SFT2D1: variants seen among roughly 807,000 people sequenced by gnomAD.
SFT2D1 encodes the protein vesicle transport protein SFT2A.
Under a neutral mutation model 28.1 loss-of-function variants are expected in SFT2D1, and 24 were observed. The ratio of observed to expected loss-of-function variants is 0.85; its 90% confidence interval spans 0.62 to 1.20. The LOEUF is 1.20. Ranked by LOEUF, SFT2D1 falls within the 50% of genes most tolerant of loss-of-function variation. The probability of loss-of-function intolerance (pLI) is 0.00; values close to 1 mark genes in which losing one functional copy is unlikely to be tolerated. For missense variants in SFT2D1, 181 were observed against 190.9 expected (o/e 0.95, Z 0.31); for synonymous variants, 82 against 73.7 (o/e 1.11, Z -0.58).
intron 3 of SFT2D1, 33 bp downstream of exon 3, chr6:166,329,474 A>G: frequency 6.3e-7 from 1 of 1,588,468 alleles, no homozygotes; most frequent in Non-Finnish European, 8.6e-7. Context: ...TGGTAGCAAG[A>G]GCAAACAAGA....
rs903213978 is a variant in SFT2D1 at position 166,324,443 on chromosome 6, C to G, written c.410+94G>C. 5 of 1,261,230 alleles carry G rather than the reference C, an allele frequency of 4.0e-6. No homozygotes were observed. The African/African-American group carries it at 4.5e-5, about 11-fold the overall frequency. The allele number at this position is 1,261,230 out of a possible 1,614,324, so 78.1% of individuals were successfully genotyped here. ...GCAGGGCCTGTCTGGCTCCAAAACA[C>G]CAGACGAAATGCTAGGGCTTCACAG... On this transcript the variant is annotated intron_variant, in intron 6 of 7. Coordinates refer to ENST00000361731, the MANE Select transcript of SFT2D1 (RefSeq NM_145169.3).
chr6:166,323,050 T>A lies in SFT2D1; in HGVS notation c.411-164A>T, dbSNP rs190990657. The A allele has an allele frequency of 5.5e-6, 3 of 544,968 alleles. No individual in the cohort carries two copies. The Admixed American group carries it at 1.0e-4, about 19-fold the overall frequency. 33.8% of individuals were successfully genotyped at this position (544,968 alleles called of 1,614,324 possible). A position where few individuals can be genotyped will look rare whatever the true frequency, so the allele number is the denominator to read the frequency against. ...AGTGAGAGCATCATCTGGGAACTTG[T>A]TAAAAATGTAAATTATTAGGTCCTA... On this transcript the variant is annotated intron_variant, in intron 6 of 7. Coordinates refer to ENST00000361731, the MANE Select transcript of SFT2D1 (RefSeq NM_145169.3).
intron 1 of SFT2D1, among the ~76,000 whole-genome samples, chr6:166,333,729 T>C (rs1332435246): frequency 1.3e-5 from 2 of 152,150 alleles, no homozygotes; most frequent in African/African-American, 2.4e-5. Flanking sequence ...GGCCTGCACA[T>C]TGCTGCCTGG....
intron 5 of SFT2D1, among the ~76,000 whole-genome samples, chr6:166,325,057 G>A (rs1778418450): frequency 6.6e-6 from 1 of 152,092 alleles, no homozygotes; most frequent in African/African-American, 2.4e-5. Flanking sequence ...AATATAAACA[G>A]TTTCCATGGT....
Position 166,329,501 on chromosome 6 carries a change from A to C in SFT2D1, c.233+6T>G. ...CAAACAAGATATTTTGAGAAGCCAA[A>C]CGTACCTGGCTAACGCAGCAAGATT... On this transcript the variant is annotated splice_donor_region_variant and intron_variant, in intron 3 of 7. Transcript: ENST00000361731. 1 of 1,603,118 alleles carries C rather than the reference A, an allele frequency of 6.2e-7. No homozygotes were observed. The highest frequency in any genetic ancestry group is 1.3e-5 in the African/African-American group (1 of 74,704).
At chr6:166,341,830 G>GAA (rs34430737) in intron 1 of SFT2D1, among the ~76,000 whole-genome samples, 187 of 147,630 alleles carry the variant, frequency 1.3e-3, no homozygotes, top group Admixed American at 1.9e-3. Flanking sequence ...CTTTTATTAA[G>GAA]AAAAAAAAAA....
intron 5 of SFT2D1, chr6:166,325,829 G>T (rs1583035187): frequency 2.2e-6 from 1 of 446,534 alleles, no homozygotes; most frequent in East Asian, 4.2e-5. Flanking sequence ...GTGTGCACAT[G>T]TGTGTTTACT....
chr6:166,328,688 G>C (rs1053969037), intron 3 of SFT2D1, among the ~76,000 whole-genome samples: 1 of 152,164 alleles, frequency 6.6e-6, no homozygotes, highest in Non-Finnish European at 1.5e-5. Context: ...TTCTGCCCTG[G>C]GAGGACACAG....
At chr6:166,342,208 G>A (rs555816685) in intron 1 of SFT2D1, among the ~76,000 whole-genome samples, 1 of 151,960 alleles carries the variant, frequency 6.6e-6, no homozygotes, top group Non-Finnish European at 1.5e-5. Flanking sequence ...GTCGGGGGGG[G>A]GCCTCAAAGT....
At chr6:166,330,118 A>C (rs767665399) in intron 2 of SFT2D1, 43 bp downstream of exon 2, 83 of 1,419,634 alleles carry the variant, frequency 5.8e-5, no homozygotes, top group Non-Finnish European at 6.8e-5. Context: ...TATTAGTCTA[A>C]TACAAAATAA....
chr6:166,320,559 T>TG (rs1310383561), intron 7 of SFT2D1, among the ~76,000 whole-genome samples: 2 of 152,020 alleles, frequency 1.3e-5, no homozygotes, highest in Non-Finnish European at 2.9e-5. Flanking sequence ...TTTTTTCTTT[T>TG]TTTTTCCTTT....
At chr6:166,333,551 G>T (rs542037842) in intron 1 of SFT2D1, among the ~76,000 whole-genome samples, 2 of 152,130 alleles carry the variant, frequency 1.3e-5, no homozygotes, top group South Asian at 2.1e-4. Context: ...TTTTTTCAGC[G>T]GCTTCAACAG....
At chr6:166,338,871 T>C (rs147891909) in intron 1 of SFT2D1, among the ~76,000 whole-genome samples, 1 of 152,218 alleles carries the variant, frequency 6.6e-6, no homozygotes, top group Non-Finnish European at 1.5e-5. Context: ...GTCCCAGAAC[T>C]CTGGCTACCG....
At chr6:166,336,365 T>A (rs755335493) in intron 1 of SFT2D1, among the ~76,000 whole-genome samples, 8 of 152,208 alleles carry the variant, frequency 5.3e-5, no homozygotes, top group Non-Finnish European at 1.2e-4. Flanking sequence ...GCACATCCCA[T>A]GCAATATATC....
chr6:166,328,261 G>C lies in SFT2D1; in HGVS notation c.315+15C>G. ...ATACTTCAATAAAAGTTTTAAAAAT[G>C]TATTATTTACTTACAAGCATAACAA... On this transcript the variant is annotated intron_variant, in intron 4 of 7. Transcript: ENST00000361731. The C allele has an allele frequency of 6.5e-7, 1 of 1,535,268 alleles. No individual in the cohort carries two copies. The highest frequency in any genetic ancestry group is 8.8e-7 in the Non-Finnish European group (1 of 1,131,500).
At chr6:166,332,381 A>G (rs1044255793) in intron 1 of SFT2D1, among the ~76,000 whole-genome samples, 7 of 152,132 alleles carry the variant, frequency 4.6e-5, no homozygotes, top group Non-Finnish European at 8.8e-5. Context: ...CAGTCTCCCA[A>G]TTAGCTGGGA....
Position 166,330,159 on chromosome 6 carries a change from AC to A in SFT2D1, c.150+1del. The A allele has an allele frequency of 6.3e-7, 1 of 1,581,886 alleles. No homozygotes were observed. Among genetic ancestry groups the A allele is most frequent in the Non-Finnish European group, 8.6e-7 (1 of 1,168,732 alleles). Reference sequence around the variant, plus strand: ...ATTAAACAATATAAAGCCTTAACTCACAAGAATAGAAAAGAAAACGCCACAT... The same window carrying A: ...ATTAAACAATATAAAGCCTTAACTCAAAGAATAGAAAAGAAAACGCCACAT... On this transcript the variant is annotated splice_donor_variant, in intron 2 of 7. Coordinates refer to ENST00000361731, the MANE Select transcript of SFT2D1 (RefSeq NM_145169.3). LOFTEE classifies it high-confidence loss of function.
rs116637799 is a variant in SFT2D1 at position 166,329,608 on chromosome 6, G to A, written c.151-19C>T. 11 of 1,556,696 alleles carry A rather than the reference G, an allele frequency of 7.1e-6. No homozygotes were observed. In the South Asian group the frequency reaches 1.3e-4, roughly 19 times the overall value. On this transcript the variant is annotated intron_variant, in intron 2 of 7. Transcript: ENST00000361731. ...CAGTTCCCTAAGTTAAGATATTATAGTTATTTTAAAATAATTTTATGATTT... is the reference window on the plus strand; with the variant it reads ...CAGTTCCCTAAGTTAAGATATTATAATTATTTTAAAATAATTTTATGATTT...
In SFT2D1 at chr6:166,320,259, G is replaced by C. The variant is rs776497218; in HGVS notation, c.441-3C>G. 1.9e-6 allele frequency: 3 copies of C among 1,608,520 alleles called. No individual in the cohort carries two copies. Among genetic ancestry groups the C allele is most frequent in the African/African-American group, 2.7e-5 (2 of 74,702 alleles). ...AACAGCATTTAATAACTGCATCCCTGGTGGAAAAGAGAGGGAAAAAAACAG... is the reference window on the plus strand; with the variant it reads ...AACAGCATTTAATAACTGCATCCCTCGTGGAAAAGAGAGGGAAAAAAACAG... On this transcript the variant is annotated splice_region_variant and splice_polypyrimidine_tract_variant and intron_variant, in intron 7 of 7. Transcript: ENST00000361731.
Sources: gnomAD v4.1 joint callset for allele counts (sites outside exome capture counted in the v4.1 genomes callset) on GRCh38, gnomAD v4.1.1 for gene constraint, MANE v1.5 for transcripts, NCBI Gene and HGNC (gene_info 2026-07-23, HGNC 2026-07-21) for gene names.